The following ZNF76 variants were observed in gnomAD, a reference collection of about 807,000 sequenced individuals.
ZNF76 encodes zinc finger protein 76.
A neutral mutation model predicts 66.9 loss-of-function variants in ZNF76; 66 were observed. The observed-to-expected ratio is 0.99, with a 90% CI of 0.81 to 1.21. The LOEUF (loss-of-function observed/expected upper bound fraction) is 1.21, where lower values mean the gene tolerates loss of function less well. ZNF76 is among the 50% of genes most tolerant of loss of function. The probability of loss-of-function intolerance (pLI) is 0.00; values close to 1 mark genes in which losing one functional copy is unlikely to be tolerated. For synonymous variants in ZNF76, 275 were observed against 296.1 expected, an observed-to-expected ratio of 0.93 and a Z score of 0.73; for missense variants, 729 against 760.3, an observed-to-expected ratio of 0.96 and a Z score of 0.48.
At chr6:35,265,403 A>C (rs781727646) in intron 1 of ZNF76, among the ~76,000 whole-genome samples, 28 of 151,514 alleles carry the variant, frequency 1.8e-4, no homozygotes, top group Non-Finnish European at 3.2e-4. Context: ...GCTACTCGGG[A>C]GGCTGAGGCA....
At chr6:35,262,276 C>T (rs1785367936) in intron 1 of ZNF76, among the ~76,000 whole-genome samples, 1 of 152,136 alleles carries the variant, frequency 6.6e-6, no homozygotes, top group Non-Finnish European at 1.5e-5. Context: ...GTATTATGAC[C>T]TGCTTCAGGG....
In ZNF76 at chr6:35,293,633, C is replaced by A. The variant is rs918414234; in HGVS notation, c.1330-118C>A. ...TTTGCCTGTCACCCATCCCTTCCACCACTATGACATGAAACTAATAAGCTG... is the reference window on the plus strand; with the variant it reads ...TTTGCCTGTCACCCATCCCTTCCACAACTATGACATGAAACTAATAAGCTG... On this transcript the variant is annotated intron_variant, in intron 11 of 13. Transcript: ENST00000373953. 30 of 1,260,792 alleles carry A rather than the reference C, an allele frequency of 2.4e-5. 1 individual carries two copies. In the Admixed American group the frequency reaches 2.7e-4, roughly 11 times the overall value. 78.1% of individuals were successfully genotyped at this position (1,260,792 alleles called of 1,614,324 possible). A position where few individuals can be genotyped will look rare whatever the true frequency, so the allele number is the denominator to read the frequency against.
At position 35,295,778 on chromosome 6, in the gene ZNF76, A is replaced by C. The variant is rs1194; in HGVS notation, c.*530A>C. 1 of 183,920 alleles carries C rather than the reference A, an allele frequency of 5.4e-6. No homozygotes were observed. The highest frequency in any genetic ancestry group is 5.3e-5 in the Admixed American group (1 of 18,854). The allele number at this position is 183,920 out of a possible 1,614,324, so 11.4% of individuals were successfully genotyped here. ...TTAATTCCTCAGGGGCCTGTGGCTG[A>C]AGAAAAGGTGCCCAGCCCCCACCAC... is the stretch of plus-strand genomic sequence containing the variant. On this transcript the variant is annotated 3_prime_UTR_variant, in exon 14 of 14. Coordinates refer to ENST00000373953, the MANE Select transcript of ZNF76 (RefSeq NM_003427.5).
At position 35,281,180 on chromosome 6, in the gene ZNF76, C is replaced by T; in HGVS notation, c.29C>T (p.Thr10Ile). 1 of 1,613,988 alleles carries T rather than the reference C, an allele frequency of 6.2e-7. No homozygotes were observed. The highest frequency in any genetic ancestry group is 8.5e-7 in the Non-Finnish European group (1 of 1,180,020). Reference sequence around the variant, plus strand: ...GAGAGCTTGGGGCTGCACACGGTGACCCTTAGTGATGGGACAACAGCCTAC... The same window carrying T: ...GAGAGCTTGGGGCTGCACACGGTGATCCTTAGTGATGGGACAACAGCCTAC... MESLGLHTVTLSDGTTAYVQ... is the reference protein window; with the variant it reads MESLGLHTVILSDGTTAYVQ... The change falls in exon 2 of 14, where the codon ACC becomes ATC. Residue 10 changes from threonine (T) to isoleucine (I), a missense_variant. Physicochemically the swap from Thr to Ile is moderately conservative, Grantham distance 89. Coordinates refer to ENST00000373953, the MANE Select transcript of ZNF76 (RefSeq NM_003427.5).
chr6:35,290,105 C>T lies in ZNF76; in HGVS notation c.433-161C>T. The T allele has an allele frequency of 5.4e-6, 5 of 924,000 alleles. No homozygotes were observed. The South Asian group carries it at 8.2e-5, about 15-fold the overall frequency. The allele number at this position is 924,000 out of a possible 1,614,324, so 57.2% of individuals were successfully genotyped here. ...CCACCCTGTTTCTTCTGTAGCATGC[C>T]CCAGCATCTGTTCCTTGTCCGTCTA... On this transcript the variant is annotated intron_variant, in intron 5 of 13. Coordinates refer to ENST00000373953, the MANE Select transcript of ZNF76 (RefSeq NM_003427.5).
intron 4 of ZNF76, chr6:35,286,781 C>T (rs1009495396): frequency 3.3e-6 from 1 of 299,420 alleles, no homozygotes; most frequent in Non-Finnish European, 6.5e-6. Flanking sequence ...ATTCCTTCCG[C>T]AGGTGGTTTC....
chr6:35,268,762 G>A (rs1433923470), intron 1 of ZNF76, among the ~76,000 whole-genome samples: 1 of 143,142 alleles, frequency 7.0e-6, no homozygotes, highest in Non-Finnish European at 1.5e-5. Context: ...TATAGAACAA[G>A]ACTTCATCTC....
chr6:35,282,996 C>T (rs1038736341), intron 2 of ZNF76, among the ~76,000 whole-genome samples: 2 of 152,174 alleles, frequency 1.3e-5, no homozygotes, highest in African/African-American at 4.8e-5. Flanking sequence ...CTTGCCCCTC[C>T]AGTGCAGTCT....
Position 35,278,603 on chromosome 6 carries a change from C to T in ZNF76, c.-96-2453C>T, listed in dbSNP as rs193042476. ...TTTGGGTAGCACCAGTCAAAGATAT[C>T]GGTTGGTAAGTCGTGAGAATCCAGT... is the stretch of plus-strand genomic sequence containing the variant. On this transcript the variant is annotated intron_variant, in intron 1 of 13. Coordinates refer to ENST00000373953, the MANE Select transcript of ZNF76 (RefSeq NM_003427.5). Among the ~76,000 whole-genome samples, 10 of 152,344 alleles carry T rather than the reference C, an allele frequency of 6.6e-5. No homozygotes were observed. In the East Asian group the frequency reaches 7.7e-4, roughly 12 times the overall value.
intron 1 of ZNF76, among the ~76,000 whole-genome samples, chr6:35,275,762 G>A (rs1787807493): frequency 6.6e-6 from 1 of 152,130 alleles, no homozygotes; most frequent in African/African-American, 2.4e-5. Context: ...GAAAAGGAGT[G>A]GAAATTTGTT....
chr6:35,291,156 G>A (rs896146151), intron 7 of ZNF76, 122 bp from the exon 8 acceptor site: 22 of 1,352,102 alleles, frequency 1.6e-5, no homozygotes, highest in Non-Finnish European at 2.1e-5. Context: ...GCAGGGGTGG[G>A]ATAGAGGCAG....
At chr6:35,261,603 A>G (rs1785264682) in intron 1 of ZNF76, among the ~76,000 whole-genome samples, 1 of 152,238 alleles carries the variant, frequency 6.6e-6, no homozygotes, top group South Asian at 2.1e-4. Context: ...GTTTAAAAAA[A>G]CAAAACAAAA....
intron 1 of ZNF76, among the ~76,000 whole-genome samples, chr6:35,270,678 C>T (rs1047334535): frequency 6.6e-6 from 1 of 152,062 alleles, no homozygotes; most frequent in Non-Finnish European, 1.5e-5. Flanking sequence ...TTGCCTCTGC[C>T]TCCCGAGTAG....
chr6:35,290,792 C>A, intron 7 of ZNF76, 76 bp downstream of exon 7: 1 of 1,388,522 alleles, frequency 7.2e-7, no homozygotes, highest in South Asian at 1.2e-5. Context: ...TGAAGGGAAC[C>A]CAACACCAGG....
intron 5 of ZNF76, 69 bp from the exon 6 acceptor site, chr6:35,290,197 G>A: frequency 6.3e-7 from 1 of 1,589,166 alleles, no homozygotes; most frequent in Non-Finnish European, 8.6e-7. Context: ...TAAGCTGCCA[G>A]CAGGGCCCTG....
intron 2 of ZNF76, among the ~76,000 whole-genome samples, chr6:35,285,281 C>T (rs1161320620): frequency 6.6e-6 from 1 of 152,160 alleles, no homozygotes; most frequent in Non-Finnish European, 1.5e-5. Context: ...AGGAACATTA[C>T]TCAACAGTGG....
At chr6:35,293,341 G>A (rs145759431) in intron 11 of ZNF76, among the ~76,000 whole-genome samples, 1 of 152,304 alleles carries the variant, frequency 6.6e-6, no homozygotes, top group East Asian at 1.9e-4. Context: ...TCTCAAGAGA[G>A]GCATGTTCAT....
At chr6:35,294,330 C>T in intron 12 of ZNF76, 126 bp from the exon 13 acceptor site, 1 of 685,284 alleles carries the variant, frequency 1.5e-6, no homozygotes, top group Non-Finnish European at 2.6e-6. Context: ...ATTAATCTGA[C>T]CCATACGGTT....
chr6:35,266,154 C>T (rs1430542525), intron 1 of ZNF76, among the ~76,000 whole-genome samples: 1 of 104,994 alleles, frequency 9.5e-6, no homozygotes, highest in Non-Finnish European at 2.3e-5. Flanking sequence ...TTGAGGGTGG[C>T]TACAATTTTT....
Sources: allele counts gnomAD v4.1 joint callset (sites outside exome capture counted in the v4.1 genomes callset), GRCh38; gene constraint gnomAD v4.1.1; transcripts MANE v1.5; gene names NCBI Gene and HGNC (gene_info 2026-07-23, HGNC 2026-07-21).